XPO5: variants seen among roughly 807,000 people sequenced by gnomAD.
XPO5 encodes the protein exportin 5, also known as exportin-5.
In XPO5, 46 loss-of-function variants were observed where a neutral mutation model predicts 160.6. The ratio of observed to expected loss-of-function variants is 0.29; its 90% CI spans 0.23 to 0.37. The LOEUF is 0.37. Ranked by LOEUF, XPO5 falls within the 10% of genes least tolerant of loss-of-function variation. The probability of loss-of-function intolerance (pLI) is 1.00; values close to 1 mark genes in which losing one functional copy is unlikely to be tolerated. For synonymous variants in XPO5, 537 were observed against 519.3 expected (o/e 1.03, Z -0.46); for missense variants, 1,090 against 1,463.9 (o/e 0.74, Z 4.17).
chr6:43,568,913 C>A (rs1218964919), intron 5 of XPO5, among the ~76,000 whole-genome samples, 176 bp from the exon 6 acceptor site: 1 of 152,164 alleles, frequency 6.6e-6, no homozygotes, highest in African/African-American at 2.4e-5. Flanking sequence ...CTAGGGAGAA[C>A]AAGTAAAGTC....
chr6:43,537,286 T>C (rs536052316), intron 20 of XPO5, among the ~76,000 whole-genome samples: 1 of 152,250 alleles, frequency 6.6e-6, no homozygotes, highest in Non-Finnish European at 1.5e-5. Context: ...TTTTCTAACT[T>C]TCATTACTTC....
At chr6:43,543,508 CTT>C (rs760466862) in intron 20 of XPO5, among the ~76,000 whole-genome samples, 2 of 151,972 alleles carry the variant, frequency 1.3e-5, no homozygotes, top group Non-Finnish European at 2.9e-5. Flanking sequence ...TAGTAGTTAT[CTT>C]TGAGGGGCAG....
At chr6:43,551,757 C>G (rs919061563) in intron 14 of XPO5, among the ~76,000 whole-genome samples, 2 of 152,084 alleles carry the variant, frequency 1.3e-5, no homozygotes, top group African/African-American at 4.8e-5. Flanking sequence ...TCTCAAACTC[C>G]TGGTTTCAAG....
At chr6:43,538,129 T>A (rs1582210090) in intron 20 of XPO5, among the ~76,000 whole-genome samples, 1 of 118,996 alleles carries the variant, frequency 8.4e-6, no homozygotes, top group African/African-American at 3.1e-5. Flanking sequence ...ATTTAGAGCC[T>A]AAGAGACATC....
chr6:43,558,321 T>C (rs773614053), intron 12 of XPO5, among the ~76,000 whole-genome samples, 180 bp downstream of exon 12: 7 of 151,972 alleles, frequency 4.6e-5, no homozygotes, highest in Non-Finnish European at 7.4e-5. Context: ...TAAAACAAAA[T>C]ATTATGCCTG....
chr6:43,563,706 T>C (rs1249088878), intron 8 of XPO5, among the ~76,000 whole-genome samples: 1 of 152,168 alleles, frequency 6.6e-6, no homozygotes, highest in Non-Finnish European at 1.5e-5. Flanking sequence ...AACACAATGG[T>C]AAGTATTTGT....
chr6:43,548,468 T>C lies in XPO5; in HGVS notation c.1861-8A>G. 6.6e-7 allele frequency: 1 copy of C among 1,522,814 alleles called. No homozygotes were observed. The highest frequency in any genetic ancestry group is 8.9e-7 in the Non-Finnish European group (1 of 1,127,660). 94.3% of individuals were successfully genotyped at this position (1,522,814 alleles called of 1,614,324 possible). A position where few individuals can be genotyped will look rare whatever the true frequency, so the allele number is the denominator to read the frequency against. ...AAGCATGTCAAAATTGGGCTACAGA[T>C]CAAAAAGAAAAAAAGCCAGAGGTGG... On this transcript the variant is annotated splice_polypyrimidine_tract_variant and splice_region_variant and intron_variant, in intron 17 of 31. Coordinates refer to ENST00000265351, the MANE Select transcript of XPO5 (RefSeq NM_020750.3).
chr6:43,530,348 TGA>T (rs1276815593), intron 23 of XPO5, among the ~76,000 whole-genome samples: 2 of 151,024 alleles, frequency 1.3e-5, no homozygotes, highest in African/African-American at 4.9e-5. Flanking sequence ...AGCTTGAACC[TGA>T]GAGGCAGAAG....
Position 43,523,391 on chromosome 6 carries a change from C to T in XPO5, c.*477G>A, listed in dbSNP as rs1793318235. ...GCCCCTTAGGGAGTGGGGAAAGTTT[C>T]CTGCCAGCCCAGCAGCAAAAGGGCT... On this transcript the variant is annotated 3_prime_UTR_variant, in exon 32 of 32. Coordinates refer to ENST00000265351, the MANE Select transcript of XPO5 (RefSeq NM_020750.3). The T allele has an allele frequency of 6.8e-6, 2 of 294,710 alleles. No individual in the cohort carries two copies. The highest frequency in any genetic ancestry group is 6.4e-5 in the South Asian group (2 of 31,212). The allele number at this position is 294,710 out of a possible 1,614,324, so 18.3% of individuals were successfully genotyped here. A position where few individuals can be genotyped will look rare whatever the true frequency, so the allele number is the denominator to read the frequency against.
Position 43,531,541 on chromosome 6 carries a change from A to C in XPO5, c.2478T>G (p.Ser826=). The change falls in exon 22 of 32, where the codon TCT becomes TCG. Residue 826 remains serine, a synonymous_variant. Coordinates refer to ENST00000265351, the MANE Select transcript of XPO5 (RefSeq NM_020750.3). ...LPQPLLELND[S]PVFKTVLERM... is the part of the protein sequence containing the mutation. Reference sequence around the variant, plus strand: ...TTTCCAAGACGGTTTTGAAGACAGGAGAGTCATTGAGTTCCAAGAGAGGTT... The same window carrying C: ...TTTCCAAGACGGTTTTGAAGACAGGCGAGTCATTGAGTTCCAAGAGAGGTT... 6.2e-7 allele frequency: 1 copy of C among 1,613,972 alleles called. No individual in the cohort carries two copies.
rs144956208 is a variant in XPO5, at chr6:43,575,911, C to G, written c.-47G>C. The G allele has an allele frequency of 6.3e-7, 1 of 1,585,396 alleles. No individual in the cohort carries two copies. Among genetic ancestry groups the G allele is most frequent in the Non-Finnish European group, 8.6e-7 (1 of 1,158,932 alleles). On this transcript the variant is annotated 5_prime_UTR_variant, in exon 1 of 32. Transcript: ENST00000265351. ...GCGCACACCACTGCAGTCCCGGGACCACGAGGCACGACAGCTCCCTCGGCG... is the reference window on the plus strand; with the variant it reads ...GCGCACACCACTGCAGTCCCGGGACGACGAGGCACGACAGCTCCCTCGGCG...
intron 21 of XPO5, among the ~76,000 whole-genome samples, chr6:43,532,896 G>A (rs186146492): frequency 6.6e-6 from 1 of 152,310 alleles, no homozygotes; most frequent in African/African-American, 2.4e-5. Context: ...TATAATCCTG[G>A]CACTTTGGGA....
intron 21 of XPO5, among the ~76,000 whole-genome samples, chr6:43,532,271 T>C (rs189819006): frequency 1.4e-3 from 216 of 152,318 alleles, no homozygotes; most frequent in South Asian, 3.5e-3. Flanking sequence ...TTCAGGACTA[T>C]CTAGGCTGAA....
At position 43,523,859 on chromosome 6, in the gene XPO5, A is replaced by G; in HGVS notation, c.*9T>C. On this transcript the variant is annotated 3_prime_UTR_variant, in exon 32 of 32. Coordinates refer to ENST00000265351, the MANE Select transcript of XPO5 (RefSeq NM_020750.3). Reference sequence around the variant, plus strand: ...AGAAAGGCCGAGGAAGGATGCCCAAAAGCTTGATTCAGGGTTCAAAGATGG... The same window carrying G: ...AGAAAGGCCGAGGAAGGATGCCCAAGAGCTTGATTCAGGGTTCAAAGATGG... 1 of 1,613,952 alleles carries G rather than the reference A, an allele frequency of 6.2e-7. No individual in the cohort carries two copies. Among genetic ancestry groups the G allele is most frequent in the Non-Finnish European group, 8.5e-7 (1 of 1,179,872 alleles).
chr6:43,552,618 G>A (rs960898986), intron 14 of XPO5, among the ~76,000 whole-genome samples: 3 of 152,192 alleles, frequency 2.0e-5, no homozygotes, highest in African/African-American at 7.2e-5. Context: ...CTCCCAAAGT[G>A]CTGCGATTAC....
At position 43,523,635 on chromosome 6, in the gene XPO5, A is replaced by G. The variant is rs1367985950; in HGVS notation, c.*233T>C. On this transcript the variant is annotated 3_prime_UTR_variant, in exon 32 of 32. Coordinates refer to ENST00000265351, the MANE Select transcript of XPO5 (RefSeq NM_020750.3). The stretch of plus-strand genomic sequence containing the variant: ...CAAATCTCCAAGTAGAATGGGAACT[A>G]TCTGGGACATCTAGACAGAATAGTT... The G allele has an allele frequency of 6.4e-6, 5 of 776,094 alleles. No individual in the cohort carries two copies. Among genetic ancestry groups the G allele is most frequent in the South Asian group, 1.4e-5 (1 of 73,942 alleles). 48.1% of individuals were successfully genotyped at this position (776,094 alleles called of 1,614,324 possible). A position where few individuals can be genotyped will look rare whatever the true frequency, so the allele number is the denominator to read the frequency against.
At chr6:43,562,088 A>C (rs907017600) in intron 9 of XPO5, 159 bp downstream of exon 9, 2 of 537,346 alleles carry the variant, frequency 3.7e-6, no homozygotes, top group African/African-American at 3.8e-5. Flanking sequence ...ACACTATTCT[A>C]TTAAGATAAT....
Position 43,533,918 on chromosome 6 carries a change from G to T in XPO5, c.2432C>A (p.Ser811Tyr). 6.2e-7 allele frequency: 1 copy of T among 1,602,568 alleles called. No homozygotes were observed. Among genetic ancestry groups the T allele is most frequent in the Non-Finnish European group, 8.5e-7 (1 of 1,172,762 alleles). Residue 811 changes from serine (S) to tyrosine (Y), a missense_variant, in exon 21 of 32, where the codon TCT (serine) becomes TAT (tyrosine). Transcript: ENST00000265351. ...KALDMLDAEK[S>Y]AILGLPQPLL... ...GTTACATTTCTTACCTAATATAGCA[G>T]ATTTTTCCGCGTCAAGCATATCCAG...
intron 28 of XPO5, 98 bp from the exon 29 acceptor site, chr6:43,525,312 T>TC (rs369499320): frequency 1.3e-4 from 138 of 1,038,672 alleles, no homozygotes; most frequent in African/African-American, 1.3e-3. Flanking sequence ...TTTTTTTTCC[T>TC]CCCCCCCTCT....
Sources: allele counts gnomAD v4.1 joint callset (sites outside exome capture counted in the v4.1 genomes callset), GRCh38; gene constraint gnomAD v4.1.1; transcripts MANE v1.5; gene names NCBI Gene and HGNC (gene_info 2026-07-23, HGNC 2026-07-21).